Variants in RABGAP1L observed in about 807,000 individuals in gnomAD.
RABGAP1L encodes the protein RAB GTPase activating protein 1 like, also known as rab GTPase-activating protein 1-like.
RABGAP1L carries 63 observed loss-of-function variants against 137.7 expected under a neutral mutation model. That is an observed-to-expected ratio of 0.46 (90% CI 0.37 to 0.56). The LOEUF is 0.56. Ranked by LOEUF, RABGAP1L falls within the 20% of genes least tolerant of loss-of-function variation. RABGAP1L has a pLI of 0.00. For synonymous variants in RABGAP1L, 431 were observed against 433.7 expected, an observed-to-expected ratio of 0.99 and a Z score of 0.08; for missense variants, 1,095 against 1,244.0, an observed-to-expected ratio of 0.88 and a Z score of 1.80.
At chr1:174,982,690 AC>A (rs1671242873) in intron 23 of RABGAP1L, 143 bp from the exon 24 acceptor site, 2 of 733,600 alleles carry the variant, frequency 2.7e-6, no homozygotes, top group African/African-American at 1.8e-5. Context: ...TTCCGAAATG[AC>A]TGGCATTTGC....
chr1:174,866,762 A>T lies in RABGAP1L; in HGVS notation c.2340+54802A>T, dbSNP rs1651324583. Among the ~76,000 whole-genome samples, 4 of 151,626 alleles carry T rather than the reference A, an allele frequency of 2.6e-5. 1 individual carries two copies. In the South Asian group the frequency reaches 8.3e-4, roughly 32 times the overall value. ...CCCCTTCTCTACTAAAAATATAAAA[A>T]ATGAGCCAGGCTTGGTAGTGCATGC... On this transcript the variant is annotated intron_variant, in intron 19 of 25. Coordinates refer to ENST00000681986, the MANE Select transcript of RABGAP1L (RefSeq NM_001366446.1).
rs144685130 is a variant in RABGAP1L at position 174,402,649 on chromosome 1, T to C, written c.1710+8504T>C. ...ACATATTTCTGAAATCCTATGTCCT[T>C]TATTGTTTATCATTGAGATGTTTTT... On this transcript the variant is annotated intron_variant, in intron 13 of 25. Coordinates refer to ENST00000681986, the MANE Select transcript of RABGAP1L (RefSeq NM_001366446.1). Among the ~76,000 whole-genome samples the C allele has an allele frequency of 1.3e-3, 200 of 152,264 alleles. 1 individual carries two copies. The highest frequency in any genetic ancestry group is 4.5e-3 in the African/African-American group (186 of 41,546).
chr1:174,283,883 CTCT>C (rs1275586500), intron 10 of RABGAP1L, among the ~76,000 whole-genome samples: 1 of 152,104 alleles, frequency 6.6e-6, no homozygotes, highest in Admixed American at 6.5e-5. Flanking sequence ...ATTTATTTAG[CTCT>C]TCTTTAATTT....
chr1:174,573,691 C>A (rs1335896254), intron 13 of RABGAP1L, among the ~76,000 whole-genome samples: 2 of 151,400 alleles, frequency 1.3e-5, no homozygotes, highest in Non-Finnish European at 2.9e-5. Context: ...GTGTAGAAAT[C>A]ATAAGAAATG....
chr1:174,854,798 A>G (rs1485097337), intron 19 of RABGAP1L, among the ~76,000 whole-genome samples: 1 of 116,126 alleles, frequency 8.6e-6, no homozygotes, highest in African/African-American at 3.4e-5. Context: ...GCTGGAGCGC[A>G]GTGATCTTGG....
chr1:174,215,057 C>T lies in RABGAP1L; in HGVS notation c.-33-4068C>T, dbSNP rs547800682. On this transcript the variant is annotated intron_variant, in intron 1 of 25. Coordinates refer to ENST00000681986, the MANE Select transcript of RABGAP1L (RefSeq NM_001366446.1). ...ATCAACAAAGTGAAGAGACAACCCA[C>T]AGAATGGGAGAAAATATTTTCAAAC... 3.3e-4 allele frequency among the ~76,000 whole-genome samples: 50 copies of T among 152,294 alleles called. 1 individual carries two copies. In the South Asian group the frequency reaches 7.0e-3, roughly 21 times the overall value.
intron 17 of RABGAP1L, among the ~76,000 whole-genome samples, chr1:174,735,765 A>G (rs993903003): frequency 6.6e-6 from 1 of 152,112 alleles, no homozygotes; most frequent in African/African-American, 2.4e-5. Flanking sequence ...TTTCAATCAT[A>G]GTGGAAGGTG....
chr1:174,702,958 A>T (rs1230234732), intron 17 of RABGAP1L, among the ~76,000 whole-genome samples: 1 of 151,842 alleles, frequency 6.6e-6, no homozygotes, highest in African/African-American at 2.4e-5. Flanking sequence ...GCTAGATAAG[A>T]AGTGTATATT....
chr1:174,560,120 C>T (rs192103464), intron 13 of RABGAP1L, among the ~76,000 whole-genome samples: 5,326 of 148,262 alleles, frequency 0.036, 120 homozygotes, highest in Middle Eastern at 0.092. Flanking sequence ...GGCAACAGGG[C>T]GAGACTCTGT....
rs916772229 is a variant in RABGAP1L at position 174,448,261 on chromosome 1, G to C, written c.1710+54116G>C. On this transcript the variant is annotated intron_variant, in intron 13 of 25. Transcript: ENST00000681986. This position sits in a 1 kb window ranked among gnomAD's most constrained non-coding sequence, Gnocchi z 4.2. ...TCGAGACAGTGGTTATTGTGTTGCT[G>C]ACATTTCTGATCATTGCTGGGAATC... The C allele has an allele frequency of 3.7e-6, 6 of 1,613,874 alleles. No individual in the cohort carries two copies. Among genetic ancestry groups the C allele is most frequent in the Non-Finnish European group, 5.1e-6 (6 of 1,179,894 alleles).
intron 11 of RABGAP1L, among the ~76,000 whole-genome samples, chr1:174,316,899 A>AAG (rs1679427477): frequency 6.6e-6 from 1 of 152,178 alleles, no homozygotes; most frequent in South Asian, 2.1e-4. Context: ...TTCCAAAGGC[A>AAG]GAGGAACCTC....
intron 12 of RABGAP1L, among the ~76,000 whole-genome samples, chr1:174,393,611 A>G (rs777759076): frequency 3.4e-4 from 52 of 152,196 alleles, no homozygotes; most frequent in Admixed American, 5.2e-4. Flanking sequence ...ATTTCCTACC[A>G]CACATCATTG....
chr1:174,981,550 C>CTTTTTTTTTTTTTTTTTTTTTTTTTTTT lies in RABGAP1L; in HGVS notation c.2734-1280_2734-1253dup, dbSNP rs10556099. Among the ~76,000 whole-genome samples the CTTTTTTTTTTTTTTTTTTTTTTTTTTTT allele has an allele frequency of 4.5e-5, 3 of 66,432 alleles. 1 individual carries two copies. The highest frequency in any genetic ancestry group is 1.3e-4 in the African/African-American group (2 of 14,986). The allele number at this position is 66,432 out of a possible 152,430, so 43.6% of individuals were successfully genotyped here. A position where few individuals can be genotyped will look rare whatever the true frequency, so the allele number is the denominator to read the frequency against. On this transcript the variant is annotated intron_variant, in intron 23 of 25. Coordinates refer to ENST00000681986, the MANE Select transcript of RABGAP1L (RefSeq NM_001366446.1). ...AATTTCACATCCCCTGTTTTTCCAT[C>CTTTTTTTTTTTTTTTTTTTTTTTTTTTT]TTTTTTTTTTTTTTTTTTTTTTTTT...
At chr1:174,370,920 T>C (rs1685067710) in intron 11 of RABGAP1L, 59 bp from the exon 12 acceptor site, 1 of 883,106 alleles carries the variant, frequency 1.1e-6, no homozygotes, top group Admixed American at 2.2e-5. Flanking sequence ...GTATGATATA[T>C]AAAGTATCTA....
intron 24 of RABGAP1L, 62 bp downstream of exon 24, chr1:174,982,967 C>G: frequency 6.7e-7 from 1 of 1,485,326 alleles, no homozygotes; most frequent in Non-Finnish European, 9.2e-7. Context: ...TTGTAAGTAC[C>G]TGAAAGAACC....
chr1:174,273,180 TTTC>T (rs1167396819), intron 8 of RABGAP1L, among the ~76,000 whole-genome samples: 2 of 152,046 alleles, frequency 1.3e-5, no homozygotes, highest in African/African-American at 4.8e-5. Context: ...CACTATATGC[TTTC>T]TTCTTTTTAG....
intron 13 of RABGAP1L, among the ~76,000 whole-genome samples, chr1:174,424,106 T>C (rs1024495913): frequency 6.6e-6 from 1 of 152,098 alleles, no homozygotes; most frequent in Non-Finnish European, 1.5e-5. Context: ...GTTTACTGAA[T>C]GATGAAGGAA....
chr1:174,966,622 A>C (rs1049338754), intron 20 of RABGAP1L, among the ~76,000 whole-genome samples: 4 of 152,156 alleles, frequency 2.6e-5, no homozygotes, highest in African/African-American at 4.8e-5. Context: ...GCTTTTTAGA[A>C]ATTTGTTTTT....
In RABGAP1L at chr1:174,720,295, A is replaced by AGACG. The variant is rs772199920; in HGVS notation, c.2169+18042_2169+18043insGGAC. Among the ~76,000 whole-genome samples the AGACG allele has an allele frequency of 1.3e-4, 20 of 148,370 alleles. 1 individual carries two copies. The highest frequency in any genetic ancestry group is 2.2e-4 in the Non-Finnish European group (15 of 67,752). On this transcript the variant is annotated intron_variant, in intron 17 of 25. Coordinates refer to ENST00000681986, the MANE Select transcript of RABGAP1L (RefSeq NM_001366446.1). Reference sequence around the variant, plus strand: ...TAGATAGATAGATAGATAGATAGACAGACAGATAGTTGGTTTTTTTTTTTT... The same window carrying AGACG: ...TAGATAGATAGATAGATAGATAGACAGACGGACAGATAGTTGGTTTTTTTTTTTT...
Sources: allele counts gnomAD v4.1 joint callset (sites outside exome capture counted in the v4.1 genomes callset), GRCh38; gene constraint gnomAD v4.1.1; non-coding constraint Gnocchi (gnomAD v3.1); transcripts MANE v1.5; gene names NCBI Gene and HGNC (gene_info 2026-07-23, HGNC 2026-07-21).